The following ATP2B4 variants were observed in gnomAD, a reference collection of about 807,000 sequenced individuals.
ATP2B4 encodes the protein ATPase plasma membrane Ca2+ transporting 4.
Under a neutral mutation model 110.3 loss-of-function variants are expected in ATP2B4, and 39 were observed. The ratio of observed to expected loss-of-function variants is 0.35; its 90% CI spans 0.27 to 0.46. The LOEUF (loss-of-function observed/expected upper bound fraction) is 0.46, where lower values mean the gene tolerates loss of function less well. Ranked by LOEUF, ATP2B4 falls within the 20% of genes least tolerant of loss-of-function variation. ATP2B4 has a pLI of 1.00. For missense variants in ATP2B4, 1,135 were observed against 1,530.9 expected (o/e 0.74, Z 4.32); for synonymous variants, 538 against 571.7 (o/e 0.94, Z 0.84).
At position 203,666,158 on chromosome 1, in the gene ATP2B4, G is replaced by C. The variant is rs1039192590; in HGVS notation, c.-464-16584G>C. On this transcript the variant is annotated intron_variant, in intron 1 of 20. Coordinates refer to ENST00000357681, the MANE Select transcript of ATP2B4 (RefSeq NM_001684.5). ...GTAGAGCAGAGCGGTGAGCAACTCT[G>C]TCTCCTTTCCAAGCTGGCACCAGCT... Among the ~76,000 whole-genome samples, 16 of 152,326 alleles carry C rather than the reference G, an allele frequency of 1.1e-4. No individual in the cohort carries two copies. In the South Asian group the frequency reaches 1.9e-3, roughly 18 times the overall value.
chr1:203,715,824 G>C (rs1019725723), intron 15 of ATP2B4, among the ~76,000 whole-genome samples: 2 of 144,080 alleles, frequency 1.4e-5, no homozygotes, highest in African/African-American at 5.1e-5. Context: ...TGATACATCT[G>C]TTAAGTCTCT....
At chr1:203,731,777 C>T (rs1006724998) in intron 20 of ATP2B4, among the ~76,000 whole-genome samples, 1 of 134,198 alleles carries the variant, frequency 7.5e-6, no homozygotes, top group African/African-American at 2.8e-5. Context: ...TTGAACCCAG[C>T]AGATGGAGGT....
intron 1 of ATP2B4, among the ~76,000 whole-genome samples, chr1:203,654,887 G>GA (rs1161772363): frequency 0.017 from 1,248 of 74,612 alleles, 11 homozygotes; most frequent in African/African-American, 0.045. Flanking sequence ...ACCTCGTCTG[G>GA]AAAAAAAAAA....
intron 1 of ATP2B4, among the ~76,000 whole-genome samples, chr1:203,658,848 A>T (rs1199978402): frequency 6.6e-6 from 1 of 152,052 alleles, no homozygotes; most frequent in African/African-American, 2.4e-5. Context: ...TACTAAAAAT[A>T]CAAAAATTAG....
rs148156799 is a variant in ATP2B4, at chr1:203,727,420, C to T, written c.3158C>T (p.Ser1053Phe). The change falls in exon 20 of 21, where the codon TCC (serine) becomes TTC (phenylalanine). Residue 1053 changes from serine to phenylalanine, a missense_variant. Ser to Phe is a radical substitution (Grantham distance 155). This residue lies in a region of ATP2B4 where 61 missense variants were observed against 123.4 expected (regional missense o/e 0.49). Transcript: ENST00000357681. ...TTCATCTCCGCAATACCTACCCGAT[C>T]CCTGAAGTTCCTGAAGGAGGCTGGG... ...GQFISAIPTR[S>F]LKFLKEAGHG... The T allele has an allele frequency of 0.011, 17,496 of 1,614,186 alleles. 135 individuals carry two copies. Among genetic ancestry groups the T allele is most frequent in the Non-Finnish European group, 0.013 (15,304 of 1,180,020 alleles).
intron 1 of ATP2B4, among the ~76,000 whole-genome samples, chr1:203,666,325 T>TCTC (rs58236357): frequency 0.98 from 148,563 of 152,188 alleles, 72,637 homozygotes; most frequent in Middle Eastern, 1. Flanking sequence ...CTTACAATGT[T>TCTC]CTCCATCTGG....
chr1:203,672,305 T>C (rs1440442553), intron 1 of ATP2B4, among the ~76,000 whole-genome samples: 2 of 145,678 alleles, frequency 1.4e-5, no homozygotes, highest in African/African-American at 5.0e-5. Flanking sequence ...TTTTTGTTCC[T>C]GAGTAAGTTG....
intron 20 of ATP2B4, chr1:203,727,855 G>T (rs1290511345): frequency 2.4e-6 from 1 of 413,550 alleles, no homozygotes; most frequent in Non-Finnish European, 4.4e-6. Context: ...CTATCAAATG[G>T]GCAAGCTTCA....
intron 1 of ATP2B4, among the ~76,000 whole-genome samples, chr1:203,682,270 G>T (rs1210686589): frequency 1.3e-5 from 2 of 152,096 alleles, no homozygotes; most frequent in African/African-American, 4.8e-5. Context: ...AGTGTGGGTT[G>T]TGGGAGAGGA....
rs148894795 is a variant in ATP2B4 at position 203,699,775 on chromosome 1, T to A, written c.649+58T>A. ...CCACCACCCCCATTTAAGGGATAGG[T>A]CCTTTGGCATGAGGGGGCTGGGAAT... On this transcript the variant is annotated intron_variant, in intron 4 of 20. Transcript: ENST00000357681. 4.0e-4 allele frequency: 644 copies of A among 1,593,166 alleles called. No individual in the cohort carries two copies. In the African/African-American group the frequency reaches 8.1e-3, roughly 20 times the overall value.
intron 7 of ATP2B4, among the ~76,000 whole-genome samples, chr1:203,703,166 AGAGAG>A (rs1665745612): frequency 2.6e-5 from 2 of 77,170 alleles, no homozygotes; most frequent in East Asian, 9.4e-4. Flanking sequence ...CTGACAATCG[AGAGAG>A]AGAGAGAGAG....
At chr1:203,637,245 C>T (rs1404994820) in intron 1 of ATP2B4, among the ~76,000 whole-genome samples, 1 of 152,132 alleles carries the variant, frequency 6.6e-6, no homozygotes, top group Non-Finnish European at 1.5e-5. Flanking sequence ...TCCTGGCTAA[C>T]ACGGTGAAGC....
At chr1:203,702,155 C>T in intron 7 of ATP2B4, 76 bp downstream of exon 7, 2 of 1,537,396 alleles carry the variant, frequency 1.3e-6, no homozygotes, top group Non-Finnish European at 1.8e-6. Flanking sequence ...CATCTTCCTT[C>T]TCCCTTTTCC....
rs759474365 is a variant in ATP2B4, at chr1:203,698,177, G to T, written c.214G>T (p.Asp72Tyr). 17 of 1,614,020 alleles carry T rather than the reference G, an allele frequency of 1.1e-5. No homozygotes were observed. The highest frequency in any genetic ancestry group is 1.7e-5 in the Admixed American group (1 of 59,994). ...TTCAGGTCTGTCTGGGAACCCTGCA[G>T]ATCTGGAGAAACGTAGGCAGGTGTT... ...PVEGLSGNPA[D>Y]LEKRRQVFGH... The change falls in exon 3 of 21, where the codon GAT becomes TAT. Residue 72 changes from aspartate (D) to tyrosine (Y), a missense_variant. Asp to Tyr is a radical substitution (Grantham distance 160). Around this residue, in one of 9 missense-constraint regions of ATP2B4, gnomAD observed 122 missense variants for 125.2 expected, o/e 0.97. Coordinates refer to ENST00000357681, the MANE Select transcript of ATP2B4 (RefSeq NM_001684.5).
At chr1:203,648,306 C>A (rs1663870897) in intron 1 of ATP2B4, among the ~76,000 whole-genome samples, 1 of 151,670 alleles carries the variant, frequency 6.6e-6, no homozygotes, top group South Asian at 2.1e-4. Flanking sequence ...AAAAAAAATC[C>A]AAGAATAGCA....
Position 203,724,406 on chromosome 1 carries a change from AC to A in ATP2B4, c.3132+419del, listed in dbSNP as rs574583374. 7.2e-3 allele frequency among the ~76,000 whole-genome samples: 1,096 copies of A among 152,024 alleles called. 15 individuals carry two copies. The highest frequency in any genetic ancestry group is 0.024 in the African/African-American group (1,001 of 41,446). Reference sequence around the variant, plus strand: ...GTGGCAGGTGCCTGTAGTCCCAGCTACTCGGGAGGCTGAGGCAGGAGAATGG... The same window carrying A: ...GTGGCAGGTGCCTGTAGTCCCAGCTATCGGGAGGCTGAGGCAGGAGAATGG... On this transcript the variant is annotated intron_variant, in intron 19 of 20. Coordinates refer to ENST00000357681, the MANE Select transcript of ATP2B4 (RefSeq NM_001684.5).
intron 1 of ATP2B4, among the ~76,000 whole-genome samples, chr1:203,647,850 C>T (rs186354349): frequency 2.4e-4 from 37 of 152,148 alleles, no homozygotes; most frequent in Non-Finnish European, 2.1e-4. Flanking sequence ...CTGGAGCCAG[C>T]CTAGGTGGTG....
chr1:203,702,701 C>T (rs891538379), intron 7 of ATP2B4, among the ~76,000 whole-genome samples: 2 of 152,212 alleles, frequency 1.3e-5, no homozygotes, highest in Admixed American at 6.5e-5. Context: ...GTGAGTCTGA[C>T]AGCAGGGACT....
In ATP2B4 at chr1:203,707,939, T is replaced by G; in HGVS notation, c.1392T>G (p.Ser464=). ...ETMGNATAIC[S]DKTGTLTMNR... is the part of the protein sequence containing the mutation. ...TGGGCAACGCCACCGCCATCTGCTC[T>G]GATAAGACAGGCACGTTGACCATGA... The change falls in exon 10 of 21, where the codon TCT becomes TCG. Residue 464 remains serine (S), a synonymous_variant. Coordinates refer to ENST00000357681, the MANE Select transcript of ATP2B4 (RefSeq NM_001684.5). 6.2e-7 allele frequency: 1 copy of G among 1,614,262 alleles called. No homozygotes were observed. The highest frequency in any genetic ancestry group is 1.1e-5 in the South Asian group (1 of 91,088).
Sources: allele counts gnomAD v4.1 joint callset (sites outside exome capture counted in the v4.1 genomes callset), GRCh38; gene constraint gnomAD v4.1.1; regional missense constraint gnomAD v4.1.1; transcripts MANE v1.5; gene names NCBI Gene and HGNC (gene_info 2026-07-23, HGNC 2026-07-21).